The following POPDC1 variants were observed in gnomAD, a reference collection of about 807,000 sequenced individuals.
POPDC1 encodes the protein popeye domain cAMP effector 1.
the POPDC1 span, among the ~76,000 whole-genome samples, chr6:105,123,552 C>G: frequency 1.5e-3 from 228 of 152,082 alleles, 2 homozygotes; most frequent in Non-Finnish European, 1.6e-3. Context: ...AGGTGCCCAC[C>G]ACCACGCCCA....
At chr6:105,109,683 G>A in the POPDC1 span, among the ~76,000 whole-genome samples, 5 of 148,476 alleles carry the variant, frequency 3.4e-5, no homozygotes, top group African/African-American at 1.3e-4. Context: ...AGGACATCTT[G>A]AGCCTGGGAG....
At chr6:105,107,419 TA>T in the POPDC1 span, among the ~76,000 whole-genome samples, 1 of 152,206 alleles carries the variant, frequency 6.6e-6, no homozygotes, top group Non-Finnish European at 1.5e-5. Flanking sequence ...TCCTAGGAAG[TA>T]AAAGTAAACA....
chr6:105,128,939 C>T, the POPDC1 span, among the ~76,000 whole-genome samples: 3 of 152,210 alleles, frequency 2.0e-5, no homozygotes, highest in East Asian at 5.8e-4. Context: ...AATATGGTGA[C>T]TTCCTTAGAT....
chr6:105,099,903 C>T, the POPDC1 span: 1 of 152,262 alleles, frequency 6.6e-6, no homozygotes, highest in Non-Finnish European at 1.5e-5. Flanking sequence ...TGTCCTCCCA[C>T]CCTACATAAA....
At chr6:105,129,389 T>C in the POPDC1 span, 1 of 1,609,230 alleles carries the variant, frequency 6.2e-7, no homozygotes. Context: ...CGGTCTCTTC[T>C]TGTATAAAAG....
chr6:105,125,498 T>C, the POPDC1 span: 3 of 1,614,154 alleles, frequency 1.9e-6, no homozygotes, highest in South Asian at 3.3e-5. Context: ...GTCCAGTTAG[T>C]CTTCTGAACA....
chr6:105,124,427 C>A, the POPDC1 span: 1 of 694,800 alleles, frequency 1.4e-6, no homozygotes, highest in Non-Finnish European at 2.5e-6. Context: ...ACTATATATG[C>A]CCTATGGTAA....
the POPDC1 span, among the ~76,000 whole-genome samples, chr6:105,101,703 C>T: frequency 3.3e-5 from 5 of 152,174 alleles, no homozygotes; most frequent in Non-Finnish European, 7.4e-5. Context: ...CAGCCACCCA[C>T]TGGGCTTACA....
the POPDC1 span, among the ~76,000 whole-genome samples, chr6:105,111,833 G>T: frequency 6.6e-6 from 1 of 152,152 alleles, no homozygotes; most frequent in African/African-American, 2.4e-5. Flanking sequence ...TTTTCTGTCC[G>T]TATTTCTGTT....
chr6:105,124,235 A>G, the POPDC1 span, among the ~76,000 whole-genome samples: 1 of 152,028 alleles, frequency 6.6e-6, no homozygotes, highest in African/African-American at 2.4e-5. Context: ...ACAAAAAATT[A>G]GCCGGGGGTG....
chr6:105,123,622 G>A, the POPDC1 span, among the ~76,000 whole-genome samples: 1 of 151,998 alleles, frequency 6.6e-6, no homozygotes, highest in Admixed American at 6.6e-5. Flanking sequence ...GGATGGTCTC[G>A]ATCTCCTGAC....
the POPDC1 span, among the ~76,000 whole-genome samples, chr6:105,126,292 A>T: frequency 6.6e-6 from 1 of 151,008 alleles, no homozygotes; most frequent in African/African-American, 2.4e-5. Flanking sequence ...AAAGAAAAAG[A>T]AAAAAAATTA....
the POPDC1 span, among the ~76,000 whole-genome samples, chr6:105,108,696 AAC>A: frequency 1.3e-5 from 2 of 152,250 alleles, no homozygotes; most frequent in African/African-American, 4.8e-5. Flanking sequence ...TGATTTTTAG[AAC>A]AGTCTCCTTT....
the POPDC1 span, chr6:105,124,468 T>C: frequency 3.0e-4 from 282 of 949,168 alleles, 1 homozygote; most frequent in African/African-American, 4.2e-3. Context: ...TTCATAGCAG[T>C]GTTTCTATTA....
At chr6:105,132,726 G>A in the POPDC1 span, among the ~76,000 whole-genome samples, 7 of 152,196 alleles carry the variant, frequency 4.6e-5, no homozygotes, top group South Asian at 2.1e-4. Context: ...ATGTTCTGAT[G>A]TGAATCAATT....
At chr6:105,123,185 CTAAA>C in the POPDC1 span, among the ~76,000 whole-genome samples, 2 of 152,122 alleles carry the variant, frequency 1.3e-5, no homozygotes, top group East Asian at 1.9e-4. Context: ...CATTTCTTAC[CTAAA>C]TAGATTTACC....
the POPDC1 span, chr6:105,099,126 T>C: frequency 6.6e-6 from 1 of 152,246 alleles, no homozygotes; most frequent in African/African-American, 2.4e-5. Context: ...CCCAAAGTGC[T>C]GTGATTACAT....
the POPDC1 span, among the ~76,000 whole-genome samples, chr6:105,122,572 T>A: frequency 1.3e-5 from 2 of 152,146 alleles, no homozygotes; most frequent in South Asian, 2.1e-4. Context: ...TCCCACCCCA[T>A]CCTCAAATCC....
the POPDC1 span, chr6:105,116,561 TTCTCC>T: frequency 1.5e-5 from 10 of 655,620 alleles, no homozygotes; most frequent in Admixed American, 3.7e-4. Flanking sequence ...ACAAAATACT[TTCTCC>T]TCTCAAGATT....
Sources: gnomAD v4.1 joint callset for allele counts (sites outside exome capture counted in the v4.1 genomes callset) on GRCh38, gnomAD v4.1.1 for gene constraint, MANE v1.5 for transcripts, NCBI Gene and HGNC (gene_info 2026-07-23, HGNC 2026-07-21) for gene names.